The following HMGB1 variants were observed in gnomAD, a reference collection of about 807,000 sequenced individuals.
HMGB1 encodes the protein high mobility group protein B1.
For missense variants in HMGB1, 79 were observed against 253.5 expected (o/e 0.31, Z 4.67); for synonymous variants, 81 against 84.0 (o/e 0.96, Z 0.19).
intron 1 of HMGB1, among the ~76,000 whole-genome samples, chr13:30,574,368 G>T (rs1057366791): frequency 6.6e-6 from 1 of 152,168 alleles, no homozygotes; most frequent in Non-Finnish European, 1.5e-5. Context: ...CTGCTGGAAG[G>T]CTCATCTTAT....
intron 1 of HMGB1, among the ~76,000 whole-genome samples, chr13:30,550,608 C>T (rs944480864): frequency 3.9e-5 from 6 of 152,152 alleles, no homozygotes; most frequent in Admixed American, 2.6e-4. Context: ...GCTCCCATGC[C>T]GAGGGACCCT....
chr13:30,496,298 C>T (rs767054267), intron 1 of HMGB1, among the ~76,000 whole-genome samples: 13 of 152,206 alleles, frequency 8.5e-5, no homozygotes, highest in Non-Finnish European at 1.9e-4. Context: ...CTCCAGGCTT[C>T]ATATCAGTAA....
At chr13:30,532,967 G>A (rs921938125) in intron 1 of HMGB1, among the ~76,000 whole-genome samples, 1 of 152,268 alleles carries the variant, frequency 6.6e-6, no homozygotes, top group African/African-American at 2.4e-5. Context: ...ACAACCCTAT[G>A]AAATAGGTGT....
intron 1 of HMGB1, among the ~76,000 whole-genome samples, chr13:30,589,257 A>C (rs1040250730): frequency 2.6e-5 from 4 of 152,078 alleles, no homozygotes; most frequent in African/African-American, 9.7e-5. Flanking sequence ...CACCCGCCTC[A>C]GCCTCCCAAA....
intron 1 of HMGB1, among the ~76,000 whole-genome samples, chr13:30,592,747 A>G (rs1039910376): frequency 3.3e-5 from 5 of 152,206 alleles, no homozygotes; most frequent in African/African-American, 1.2e-4. Context: ...GCATCAGAAG[A>G]TGGAAAGTTG....
chr13:30,575,323 TG>T (rs1383858058), intron 1 of HMGB1, among the ~76,000 whole-genome samples: 1 of 152,198 alleles, frequency 6.6e-6, no homozygotes, highest in African/African-American at 2.4e-5. Flanking sequence ...GAGGATGTAC[TG>T]GCCCTATTGA....
chr13:30,614,751 C>A (rs548527005), intron 1 of HMGB1, among the ~76,000 whole-genome samples: 2 of 152,172 alleles, frequency 1.3e-5, no homozygotes, highest in East Asian at 3.9e-4. Context: ...GGCTGGAGTG[C>A]AGTGGTGTAA....
chr13:30,465,384 TCCCGCCGCCGCCGCCGAGCCGCGCCGGC>T (rs1462268049), intron 1 of HMGB1: 4 of 122,630 alleles, frequency 3.3e-5, no homozygotes, highest in South Asian at 4.7e-4. Flanking sequence ...GCCGCTGCCC[TCCCGCCGCCGCCGCCGAGCCGCGCCGGC>T]CCCGCCGCCC....
Position 30,475,525 on chromosome 13 carries a change from TAA to T in HMGB1, c.-14-11833_-14-11832del, listed in dbSNP as rs148513243. On this transcript the variant is annotated intron_variant, in intron 1 of 4. Transcript: ENST00000405805. The stretch of plus-strand genomic sequence containing the variant: ...AATGTGCCCGGTTTGAGACCATCTC[TAA>T]AAAAAAAAAAAAAAAATTCCCTGGG... Among the ~76,000 whole-genome samples, 857 of 131,438 alleles carry T rather than the reference TAA, an allele frequency of 6.5e-3. 8 individuals are homozygous for T. The highest frequency in any genetic ancestry group is 0.022 in the African/African-American group (773 of 35,470). 86.2% of individuals were successfully genotyped at this position (131,438 alleles called of 152,430 possible). A position where few individuals can be genotyped will look rare whatever the true frequency, so the allele number is the denominator to read the frequency against.
At chr13:30,524,708 ATAATAAT>A (rs1566014854) in intron 1 of HMGB1, among the ~76,000 whole-genome samples, 1 of 143,610 alleles carries the variant, frequency 7.0e-6, no homozygotes, top group Non-Finnish European at 1.5e-5. Context: ...ATAAATAATA[ATAATAAT>A]AATAATAATA....
chr13:30,537,652 C>CATATGTAT (rs1491255988), intron 1 of HMGB1, among the ~76,000 whole-genome samples: 1 of 68,004 alleles, frequency 1.5e-5, no homozygotes, highest in African/African-American at 3.7e-5. Flanking sequence ...CATTCTTGTT[C>CATATGTAT]ATATATATAT....
chr13:30,548,040 T>C (rs1448258425), intron 1 of HMGB1, among the ~76,000 whole-genome samples: 1 of 152,212 alleles, frequency 6.6e-6, no homozygotes, highest in African/African-American at 2.4e-5. Context: ...CTAAGAAAAT[T>C]TGCAATAGGA....
At chr13:30,503,631 C>T (rs1887785812) in intron 1 of HMGB1, among the ~76,000 whole-genome samples, 2 of 148,278 alleles carry the variant, frequency 1.3e-5, no homozygotes, top group South Asian at 4.3e-4. Flanking sequence ...GTAGGGTCAC[C>T]GATCCTACTC....
At position 30,519,653 on chromosome 13, in the gene HMGB1, T is replaced by A. The variant is rs185107979; in HGVS notation, c.-14-55959A>T. On this transcript the variant is annotated intron_variant, in intron 1 of 4. Coordinates refer to the HMGB1 transcript ENST00000405805. The stretch of plus-strand genomic sequence containing the variant: ...AGACGGAGCTTGCAGTGAGCTGAGA[T>A]CGCACCACTGCACTCCAGCCTGGGC... Among the ~76,000 whole-genome samples the A allele has an allele frequency of 2.5e-3, 373 of 151,202 alleles. 3 individuals are homozygous for A. Among genetic ancestry groups the A allele is most frequent in the African/African-American group, 8.4e-3 (347 of 41,110 alleles).
intron 1 of HMGB1, among the ~76,000 whole-genome samples, chr13:30,558,186 CT>C (rs1428815680): frequency 6.6e-6 from 1 of 152,126 alleles, no homozygotes; most frequent in Non-Finnish European, 1.5e-5. Flanking sequence ...GATCAGAAAG[CT>C]TTTCTTGTCA....
rs1869550180 is a variant in HMGB1 at position 30,553,882 on chromosome 13, C to T, written c.-15+62789G>A. Reference sequence around the variant, plus strand: ...AATACTGAGAATGATTATATTAATGCCAGCTTAGTTGACATAGAAGAGGCA... The same window carrying T: ...AATACTGAGAATGATTATATTAATGTCAGCTTAGTTGACATAGAAGAGGCA... On this transcript the variant is annotated intron_variant, in intron 1 of 4. Transcript: ENST00000405805. 4 of 1,338,622 alleles carry T rather than the reference C, an allele frequency of 3.0e-6. No individual in the cohort carries two copies. In the Admixed American group the frequency reaches 5.1e-5, roughly 17 times the overall value. The allele number at this position is 1,338,622 out of a possible 1,614,324, so 82.9% of individuals were successfully genotyped here.
rs573874214 is a variant in HMGB1 at position 30,586,576 on chromosome 13, C to A, written c.-15+30095G>T. Among the ~76,000 whole-genome samples the A allele has an allele frequency of 2.0e-5, 3 of 147,302 alleles. No individual in the cohort carries two copies. In the East Asian group the frequency reaches 6.3e-4, roughly 31 times the overall value. ...AATCTCGGCTCACTGCAAGTTCCAC[C>A]TCCTGGGCTCAAGCAATTTTCCTGC... On this transcript the variant is annotated intron_variant, in intron 1 of 4. Transcript: ENST00000405805.
At chr13:30,604,905 A>G (rs1950440968) in intron 1 of HMGB1, among the ~76,000 whole-genome samples, 1 of 151,952 alleles carries the variant, frequency 6.6e-6, no homozygotes, top group Non-Finnish European at 1.5e-5. Context: ...TGATCCACCC[A>G]CCTCGGCCTC....
At chr13:30,491,600 T>G (rs1194399371) in intron 1 of HMGB1, among the ~76,000 whole-genome samples, 1 of 150,468 alleles carries the variant, frequency 6.6e-6, no homozygotes, top group African/African-American at 2.4e-5. Context: ...GAGGCAGAGG[T>G]TGCAGCGAGC....
Sources: allele counts gnomAD v4.1 joint callset (sites outside exome capture counted in the v4.1 genomes callset), GRCh38; gene constraint gnomAD v4.1.1; transcripts MANE v1.5; gene names NCBI Gene and HGNC (gene_info 2026-07-23, HGNC 2026-07-21).